The following ACVR1 variants were observed in gnomAD, a reference collection of about 807,000 sequenced individuals.
ACVR1 encodes activin A receptor type 1.
In ACVR1, 38 loss-of-function variants were observed where a neutral mutation model predicts 57.1. The ratio of observed to expected loss-of-function variants is 0.67; its 90% confidence interval spans 0.51 to 0.87. The LOEUF (loss-of-function observed/expected upper bound fraction) is 0.87, where lower values mean the gene tolerates loss of function less well. Ranked by LOEUF, ACVR1 falls within the 40% of genes least tolerant of loss-of-function variation. ACVR1 has a pLI of 0.00. For synonymous variants in ACVR1, 212 were observed against 228.1 expected, an observed-to-expected ratio of 0.93 and a Z score of 0.63; for missense variants, 463 against 638.2, an observed-to-expected ratio of 0.73 and a Z score of 2.96.
rs184463129 is a variant in ACVR1 at position 157,834,238 on chromosome 2, C to T, written c.-182-15679G>A. On this transcript the variant is annotated intron_variant, in intron 1 of 10. Transcript: ENST00000434821. ...TCCTGAGTAGCTGGGATTACAGGTG[C>T]GTGCCACCATGCCCAGCTAATTTTT... is the stretch of plus-strand genomic sequence containing the variant. 7.8e-3 allele frequency among the ~76,000 whole-genome samples: 1,189 copies of T among 152,178 alleles called. 14 individuals carry two copies. The highest frequency in any genetic ancestry group is 0.027 in the African/African-American group (1,135 of 41,516).
At chr2:157,789,034 A>G (rs1185134920) in intron 3 of ACVR1, among the ~76,000 whole-genome samples, 1 of 152,196 alleles carries the variant, frequency 6.6e-6, no homozygotes, top group African/African-American at 2.4e-5. Flanking sequence ...CTATCAGTCT[A>G]ATTAATATAG....
chr2:157,780,902 T>C (rs1463756048), intron 3 of ACVR1, among the ~76,000 whole-genome samples: 3 of 152,234 alleles, frequency 2.0e-5, no homozygotes, highest in African/African-American at 7.2e-5. Flanking sequence ...CCCCCTGTGG[T>C]GTTCATATAA....
intron 1 of ACVR1, among the ~76,000 whole-genome samples, chr2:157,869,119 G>A (rs927256742): frequency 2.0e-5 from 3 of 152,088 alleles, no homozygotes; most frequent in African/African-American, 7.2e-5. Context: ...AAATAAACAG[G>A]GAGTTAAGTG....
In ACVR1 at chr2:157,760,971, G is replaced by C; in HGVS notation, c.1173C>G (p.Ile391Met). Residue 391 changes from isoleucine to methionine, a missense_variant, in exon 9 of 11, where the codon ATC becomes ATG. Physicochemically the swap from Ile to Met is conservative, Grantham distance 10. Coordinates refer to ENST00000434821, the MANE Select transcript of ACVR1 (RefSeq NM_001111067.4). ...YMAPEVLDET[I>M]QVDCFDSYKR... ...TATAAGAATCGAAACAATCCACCTG[G>C]ATGGTTTCATCTAGAACTTCGGGGG... The C allele has an allele frequency of 3.7e-6, 6 of 1,614,116 alleles. No individual in the cohort carries two copies. Among genetic ancestry groups the C allele is most frequent in the Non-Finnish European group, 5.1e-6 (6 of 1,180,000 alleles).
At chr2:157,839,705 G>A (rs895640502) in intron 1 of ACVR1, among the ~76,000 whole-genome samples, 1 of 152,080 alleles carries the variant, frequency 6.6e-6, no homozygotes, top group Non-Finnish European at 1.5e-5. Context: ...ACATCCCAAG[G>A]GCATCAGGAA....
At position 157,737,344 on chromosome 2, in the gene ACVR1, C is replaced by T. The variant is rs1559027409; in HGVS notation, c.*187G>A. ...CGTGAAATGCCCAGTTCACAGTCAT[C>T]GAGCGAGGTTAGGGTGGTTTTGATG... On this transcript the variant is annotated 3_prime_UTR_variant, in exon 11 of 11. Coordinates refer to ENST00000434821, the MANE Select transcript of ACVR1 (RefSeq NM_001111067.4). 5.7e-6 allele frequency: 4 copies of T among 698,342 alleles called. No homozygotes were observed. The highest frequency in any genetic ancestry group is 1.8e-5 in the African/African-American group (1 of 56,930). The allele number at this position is 698,342 out of a possible 1,614,324, so 43.3% of individuals were successfully genotyped here.
At chr2:157,834,720 T>C (rs933795116) in intron 1 of ACVR1, among the ~76,000 whole-genome samples, 7 of 152,322 alleles carry the variant, frequency 4.6e-5, no homozygotes, top group Admixed American at 6.5e-5. Context: ...TGCTATGGTC[T>C]AAATGTTTGT....
At chr2:157,740,887 CCT>C (rs1331045551) in intron 9 of ACVR1, among the ~76,000 whole-genome samples, 2 of 152,294 alleles carry the variant, frequency 1.3e-5, no homozygotes, top group South Asian at 2.1e-4. Flanking sequence ...TTTAGTCAAG[CCT>C]CTTTTTCCTC....
In ACVR1 at chr2:157,737,231, G is replaced by C. The variant is rs1684564820; in HGVS notation, c.*300C>G. 1 of 480,624 alleles carries C rather than the reference G, an allele frequency of 2.1e-6. No homozygotes were observed. Among genetic ancestry groups the C allele is most frequent in the East Asian group, 4.0e-5 (1 of 25,004 alleles). 29.8% of individuals were successfully genotyped at this position (480,624 alleles called of 1,614,324 possible). On this transcript the variant is annotated 3_prime_UTR_variant, in exon 11 of 11. Coordinates refer to ENST00000434821, the MANE Select transcript of ACVR1 (RefSeq NM_001111067.4). Reference sequence around the variant, plus strand: ...TGCAAAGCCACTGACTTAATGCCCAGATCTCTTTTAGGATTTCTCTGTGTT... The same window carrying C: ...TGCAAAGCCACTGACTTAATGCCCACATCTCTTTTAGGATTTCTCTGTGTT...
intron 1 of ACVR1, among the ~76,000 whole-genome samples, chr2:157,819,124 C>T (rs985546665): frequency 6.8e-6 from 1 of 148,104 alleles, no homozygotes; most frequent in African/African-American, 2.5e-5. Context: ...CTGCAGTCAG[C>T]ACATTTCAAA....
chr2:157,846,267 T>A (rs1689124497), intron 1 of ACVR1, among the ~76,000 whole-genome samples: 1 of 152,216 alleles, frequency 6.6e-6, no homozygotes, highest in African/African-American at 2.4e-5. Flanking sequence ...AAGTGGATTC[T>A]CCCAAGAGCC....
At chr2:157,868,114 T>C (rs1244165219) in intron 1 of ACVR1, among the ~76,000 whole-genome samples, 1 of 152,180 alleles carries the variant, frequency 6.6e-6, no homozygotes, top group Non-Finnish European at 1.5e-5. Context: ...GTGCTGTTCC[T>C]TTCGGTTGTC....
intron 1 of ACVR1, among the ~76,000 whole-genome samples, chr2:157,853,045 T>C (rs1051559270): frequency 1.3e-5 from 2 of 152,246 alleles, no homozygotes; most frequent in African/African-American, 4.8e-5. Flanking sequence ...AACTAGAAGT[T>C]CAGTTAAATA....
At chr2:157,812,233 G>A (rs1388418517) in intron 2 of ACVR1, among the ~76,000 whole-genome samples, 1 of 152,176 alleles carries the variant, frequency 6.6e-6, no homozygotes. Context: ...ATTGAACCAT[G>A]TGGATGCAAT....
At chr2:157,840,706 T>G (rs1378666001) in intron 1 of ACVR1, among the ~76,000 whole-genome samples, 3 of 152,198 alleles carry the variant, frequency 2.0e-5, no homozygotes, top group Non-Finnish European at 4.4e-5. Context: ...TGAAGCCAGC[T>G]GAGAAAAAGG....
chr2:157,874,461 G>C (rs772751445), intron 1 of ACVR1, among the ~76,000 whole-genome samples: 2 of 152,214 alleles, frequency 1.3e-5, no homozygotes, highest in East Asian at 3.9e-4. Context: ...GTCAGCACAA[G>C]TCTAGTGTCT....
At chr2:157,756,384 G>A (rs1433026492) in intron 9 of ACVR1, among the ~76,000 whole-genome samples, 1 of 152,000 alleles carries the variant, frequency 6.6e-6, no homozygotes, top group Non-Finnish European at 1.5e-5. Flanking sequence ...CCACAGAGTG[G>A]GAGAAAATCT....
At chr2:157,759,792 G>A (rs1338081352) in intron 9 of ACVR1, among the ~76,000 whole-genome samples, 1 of 152,084 alleles carries the variant, frequency 6.6e-6, no homozygotes, top group Admixed American at 6.6e-5. Context: ...TTCAACACAT[G>A]CAAATTAATT....
intron 1 of ACVR1, among the ~76,000 whole-genome samples, chr2:157,840,057 G>A (rs991479978): frequency 2.6e-5 from 4 of 152,126 alleles, no homozygotes; most frequent in African/African-American, 9.7e-5. Flanking sequence ...AGTGACTCTT[G>A]GGATTTTACA....
Sources: gnomAD v4.1 joint callset for allele counts (sites outside exome capture counted in the v4.1 genomes callset) on GRCh38, gnomAD v4.1.1 for gene constraint, MANE v1.5 for transcripts, NCBI Gene and HGNC (gene_info 2026-07-23, HGNC 2026-07-21) for gene names.